The following NSD3 variants were observed in gnomAD, a reference collection of about 807,000 sequenced individuals.
The protein encoded by NSD3 is histone-lysine N-methyltransferase NSD3.
NSD3 carries 24 observed loss-of-function variants against 160.8 expected under a neutral mutation model. The ratio of observed to expected loss-of-function variants is 0.15; its 90% CI spans 0.11 to 0.21. The LOEUF (loss-of-function observed/expected upper bound fraction) is 0.21, where lower values mean the gene tolerates loss of function less well. NSD3 is among the 10% of genes least tolerant of loss of function. The pLI is 1.00. For missense variants in NSD3, 1,157 were observed against 1,735.9 expected, an observed-to-expected ratio of 0.67 and a Z score of 5.93; for synonymous variants, 520 against 600.0, an observed-to-expected ratio of 0.87 and a Z score of 1.95.
intron 19 of NSD3, among the ~76,000 whole-genome samples, chr8:38,284,218 T>C (rs904502651): frequency 6.6e-6 from 1 of 152,248 alleles, no homozygotes; most frequent in Non-Finnish European, 1.5e-5. Context: ...TCTGCACATT[T>C]TTCTATTATA....
intron 16 of NSD3, among the ~76,000 whole-genome samples, chr8:38,294,067 T>G (rs928500149): frequency 1.3e-5 from 2 of 151,376 alleles, no homozygotes; most frequent in Non-Finnish European, 2.9e-5. Context: ...AAATGTAGAG[T>G]TTTTTAGTTT....
chr8:38,296,424 G>T (rs1448572739), intron 15 of NSD3, among the ~76,000 whole-genome samples: 2 of 142,844 alleles, frequency 1.4e-5, no homozygotes, highest in Non-Finnish European at 3.1e-5. Context: ...TAATTAGCAA[G>T]CAAAAAAATA....
chr8:38,337,181 A>G (rs1810241157), intron 4 of NSD3, 124 bp downstream of exon 4: 2 of 903,942 alleles, frequency 2.2e-6, no homozygotes, highest in Non-Finnish European at 3.0e-6. Context: ...CAAAACTGAT[A>G]CGGATATGCA....
At chr8:38,324,326 T>G (rs992795290) in intron 7 of NSD3, among the ~76,000 whole-genome samples, 10 of 152,228 alleles carry the variant, frequency 6.6e-5, no homozygotes, top group Non-Finnish European at 1.5e-4. Context: ...GCATCTCCAC[T>G]GGCATTACCT....
chr8:38,338,331 A>G (rs1379641075), intron 3 of NSD3, among the ~76,000 whole-genome samples: 1 of 151,982 alleles, frequency 6.6e-6, no homozygotes, highest in Non-Finnish European at 1.5e-5. Flanking sequence ...ACACATGATC[A>G]ATTGAAAAAA....
At chr8:38,358,525 C>T (rs961673478) in intron 1 of NSD3, among the ~76,000 whole-genome samples, 1 of 151,920 alleles carries the variant, frequency 6.6e-6, no homozygotes, top group African/African-American at 2.4e-5. Context: ...GCATGTTTGG[C>T]AATTTATGCA....
intron 22 of NSD3, among the ~76,000 whole-genome samples, chr8:38,277,978 A>G (rs992559998): frequency 4.1e-5 from 6 of 147,404 alleles, no homozygotes; most frequent in South Asian, 2.2e-4. Flanking sequence ...TTGCACTGTC[A>G]CCCAGGCTGG....
At position 38,381,979 on chromosome 8, in the gene NSD3, T is replaced by C. The variant is rs1459987513; in HGVS notation, c.-225A>G. On this transcript the variant is annotated 5_prime_UTR_variant, in exon 1 of 24. It removes an upstream start codon present in the reference 5' UTR. Coordinates refer to ENST00000317025, the MANE Select transcript of NSD3 (RefSeq NM_023034.2). Reference sequence around the variant, plus strand: ...TTCCCCGCGCCGGACGCCTCTGCCATGGCGGCCGGCACTGAGGAGGGCCAC... The same window carrying C: ...TTCCCCGCGCCGGACGCCTCTGCCACGGCGGCCGGCACTGAGGAGGGCCAC... 1 of 152,110 alleles carries C rather than the reference T, an allele frequency of 6.6e-6. No homozygotes were observed. Among genetic ancestry groups the C allele is most frequent in the Non-Finnish European group, 1.5e-5 (1 of 67,934 alleles). The allele number at this position is 152,110 out of a possible 1,614,324, so 9.4% of individuals were successfully genotyped here. A position where few individuals can be genotyped will look rare whatever the true frequency, so the allele number is the denominator to read the frequency against.
At chr8:38,330,627 T>C (rs1433401808) in intron 5 of NSD3, among the ~76,000 whole-genome samples, 1 of 152,188 alleles carries the variant, frequency 6.6e-6, no homozygotes, top group Non-Finnish European at 1.5e-5. Flanking sequence ...AACTATGAGA[T>C]AGCATATGTC....
chr8:38,326,786 C>G lies in NSD3; in HGVS notation c.1652G>C (p.Arg551Thr). ...TACACTCTGCGTTGGCTTTTCATTT[C>G]TCTGGTTTGGTGTAGAAATTATAAG... Reference protein sequence around the residue: ...DRLIISTPNQRNEKPTQSVSS... With the variant: ...DRLIISTPNQTNEKPTQSVSS... The change falls in exon 7 of 24, where the codon AGA (arginine) becomes ACA (threonine). Residue 551 changes from arginine to threonine, a missense_variant. Coordinates refer to ENST00000317025, the MANE Select transcript of NSD3 (RefSeq NM_023034.2). The G allele has an allele frequency of 6.2e-7, 1 of 1,614,028 alleles. No individual in the cohort carries two copies. Among genetic ancestry groups the G allele is most frequent in the Non-Finnish European group, 8.5e-7 (1 of 1,179,986 alleles).
At chr8:38,337,184 G>T in intron 4 of NSD3, 121 bp downstream of exon 4, 1 of 917,904 alleles carries the variant, frequency 1.1e-6, no homozygotes, top group Non-Finnish European at 1.5e-6. Flanking sequence ...AACTGATACG[G>T]ATATGCACAT....
chr8:38,367,581 G>A (rs559555192), intron 1 of NSD3, among the ~76,000 whole-genome samples: 2 of 152,026 alleles, frequency 1.3e-5, no homozygotes, highest in Admixed American at 6.6e-5. Flanking sequence ...GTGTGGTGGT[G>A]CATGCCTGTG....
chr8:38,272,404 G>C lies in NSD3; in HGVS notation c.*3237C>G, dbSNP rs1416311602. The C allele has an allele frequency of 6.6e-6, 1 of 152,234 alleles. No homozygotes were observed. Among genetic ancestry groups the C allele is most frequent in the Non-Finnish European group, 1.5e-5 (1 of 68,052 alleles). 9.4% of individuals were successfully genotyped at this position (152,234 alleles called of 1,614,324 possible). ...TATCTCTCCCTGATTAGACATTAAA[G>C]AGGTGAATCACTGCCTCTGGCTGCT... On this transcript the variant is annotated 3_prime_UTR_variant, in exon 24 of 24. Coordinates refer to ENST00000317025, the MANE Select transcript of NSD3 (RefSeq NM_023034.2).
intron 15 of NSD3, 21 bp from the exon 16 acceptor site, chr8:38,295,973 T>TCAG (rs1563346001): frequency 2.5e-6 from 4 of 1,587,176 alleles, no homozygotes. Flanking sequence ...ATAAACAGTC[T>TCAG]TAATAACTGA....
At chr8:38,322,183 G>T (rs1258203872) in intron 7 of NSD3, among the ~76,000 whole-genome samples, 1 of 152,066 alleles carries the variant, frequency 6.6e-6, no homozygotes, top group East Asian at 1.9e-4. Flanking sequence ...ATTGCTCTTG[G>T]CTATGTATAA....
chr8:38,315,890 C>T (rs376358461), intron 10 of NSD3, 22 bp downstream of exon 10: 9 of 1,611,474 alleles, frequency 5.6e-6, no homozygotes, highest in Non-Finnish European at 6.8e-6. Context: ...AACACTTTGT[C>T]CAGACCCTTG....
intron 1 of NSD3, among the ~76,000 whole-genome samples, chr8:38,358,072 G>GA: frequency 6.6e-6 from 1 of 151,958 alleles, no homozygotes. Flanking sequence ...ATTAAAAAAA[G>GA]AAACTCATAT....
In NSD3 at chr8:38,323,398, G is replaced by A. The variant is rs1275905454; in HGVS notation, c.1709-2226C>T. 2.6e-5 allele frequency among the ~76,000 whole-genome samples: 4 copies of A among 152,136 alleles called. No individual in the cohort carries two copies. The South Asian group carries it at 8.3e-4, about 32-fold the overall frequency. Reference sequence around the variant, plus strand: ...TCTTAATTTACAACCTAAATTCTACGTTCCTGCTTAAGCAAAAAACAACAC... The same window carrying A: ...TCTTAATTTACAACCTAAATTCTACATTCCTGCTTAAGCAAAAAACAACAC... On this transcript the variant is annotated intron_variant, in intron 7 of 23. Transcript: ENST00000317025.
chr8:38,288,890 G>A lies in NSD3; in HGVS notation c.3232-134C>T. On this transcript the variant is annotated intron_variant, in intron 18 of 23. Coordinates refer to ENST00000317025, the MANE Select transcript of NSD3 (RefSeq NM_023034.2). The surrounding 1 kb of genome is among the most constrained non-coding windows in gnomAD (Gnocchi z 4.5). ...AAAGGTTGTCTTTCCTGATGAATAA[G>A]CTGAGATTAATAACCATCTCTTTTG... 9.0e-7 allele frequency: 1 copy of A among 1,106,374 alleles called. No individual in the cohort carries two copies. Among genetic ancestry groups the A allele is most frequent in the Non-Finnish European group, 1.3e-6 (1 of 790,220 alleles). 68.5% of individuals were successfully genotyped at this position (1,106,374 alleles called of 1,614,324 possible).
Sources: allele counts gnomAD v4.1 joint callset (sites outside exome capture counted in the v4.1 genomes callset), GRCh38; gene constraint gnomAD v4.1.1; non-coding constraint Gnocchi (gnomAD v3.1); transcripts MANE v1.5; gene names NCBI Gene and HGNC (gene_info 2026-07-23, HGNC 2026-07-21).